Variants in CYRIB observed in about 807,000 individuals in gnomAD.
CYRIB encodes CYFIP-related Rac1 interactor B.
In CYRIB, 8 loss-of-function variants were observed where a neutral mutation model predicts 44.2. The observed-to-expected ratio is 0.18, with a 90% CI of 0.11 to 0.33. The LOEUF is 0.33. Ranked by LOEUF, CYRIB falls within the 10% of genes least tolerant of loss-of-function variation. The pLI is 1.00. For missense variants in CYRIB, 185 were observed against 382.8 expected (o/e 0.48, Z 4.31); for synonymous variants, 131 against 127.2 (o/e 1.03, Z -0.20).
At chr8:129,925,320 C>T (rs980603338) in intron 1 of CYRIB, among the ~76,000 whole-genome samples, 2 of 152,256 alleles carry the variant, frequency 1.3e-5, no homozygotes, top group African/African-American at 4.8e-5. Context: ...ATTGCTTGAA[C>T]CAGGGAGGTT....
rs201150677 is a variant in CYRIB at position 129,852,194 on chromosome 8, A to G, written c.601T>C (p.Leu201=). ...ACAAATTTTGTTGTGGCATCACTCA[A>G]GGTTTTCAGCATTGGAGTTGCCTCA... The change falls in exon 8 of 12, where the codon TTG becomes CTG. Residue 201 remains leucine (L), a synonymous_variant. Coordinates refer to ENST00000519824, the Ensembl canonical transcript of CYRIB. The G allele has an allele frequency of 2.0e-5, 32 of 1,562,144 alleles. No homozygotes were observed. The East Asian group carries it at 5.3e-4, about 26-fold the overall frequency.
intron 1 of CYRIB, among the ~76,000 whole-genome samples, chr8:129,982,049 G>T (rs989367738): frequency 6.6e-6 from 1 of 152,226 alleles, no homozygotes; most frequent in African/African-American, 2.4e-5. Context: ...GTGAACAGGG[G>T]ATCAACTTGT....
chr8:129,933,511 T>C (rs974129726), intron 1 of CYRIB, among the ~76,000 whole-genome samples: 2 of 152,176 alleles, frequency 1.3e-5, no homozygotes, highest in African/African-American at 2.4e-5. Context: ...GGAAAATAAA[T>C]GTGACTTATG....
At position 129,855,235 on chromosome 8, in the gene CYRIB, A is replaced by T. The variant is rs540958337; in HGVS notation, c.438+376T>A. ...GTGAAACCCCGTCTCTACTAAAAAT[A>T]CAAAAATTAGCCAGGCGTGGTGGCA... On this transcript the variant is annotated intron_variant, in intron 6 of 11. Transcript: ENST00000519824. Among the ~76,000 whole-genome samples, 5 of 152,194 alleles carry T rather than the reference A, an allele frequency of 3.3e-5. No homozygotes were observed. In the South Asian group the frequency reaches 1.0e-3, roughly 32 times the overall value.
intron 1 of CYRIB, among the ~76,000 whole-genome samples, chr8:129,911,531 G>A (rs1236680722): frequency 2.0e-5 from 3 of 152,050 alleles, no homozygotes; most frequent in African/African-American, 7.2e-5. Flanking sequence ...GCCGGACGCG[G>A]TGGCTCACAC....
chr8:129,930,714 C>T (rs567199160), intron 1 of CYRIB, among the ~76,000 whole-genome samples: 1 of 152,086 alleles, frequency 6.6e-6, no homozygotes, highest in Non-Finnish European at 1.5e-5. Context: ...AATAAAAAGA[C>T]AGAGCTTTAG....
At chr8:129,972,809 A>G (rs1470692232) in intron 1 of CYRIB, among the ~76,000 whole-genome samples, 1 of 152,030 alleles carries the variant, frequency 6.6e-6, no homozygotes, top group Non-Finnish European at 1.5e-5. Context: ...CACCCAGGGC[A>G]TAGAGTGTGG....
At chr8:129,920,991 A>C (rs1239936450) in intron 1 of CYRIB, among the ~76,000 whole-genome samples, 2 of 152,206 alleles carry the variant, frequency 1.3e-5, no homozygotes, top group Non-Finnish European at 2.9e-5. Flanking sequence ...AAAAATTGTA[A>C]GTACTAAAAC....
intron 3 of CYRIB, among the ~76,000 whole-genome samples, chr8:129,874,610 A>C (rs1318078927): frequency 2.6e-5 from 4 of 152,148 alleles, no homozygotes; most frequent in Non-Finnish European, 5.9e-5. Context: ...CTCAGTACCT[A>C]GATTTTCTGT....
At position 129,850,824 on chromosome 8, in the gene CYRIB, C is replaced by G. The variant is rs905209380; in HGVS notation, c.713+11G>C. The G allele has an allele frequency of 6.3e-7, 1 of 1,599,634 alleles. No homozygotes were observed. The highest frequency in any genetic ancestry group is 2.2e-5 in the East Asian group (1 of 44,770). ...GCACTGTTAAAGTGAAAAAGATCAG[C>G]TGATACTCACGGTGTTTCCAGCATG... On this transcript the variant is annotated intron_variant, in intron 9 of 11. Transcript: ENST00000519824.
intron 1 of CYRIB, among the ~76,000 whole-genome samples, chr8:129,907,582 T>TA (rs1412790118): frequency 2.0e-5 from 3 of 152,136 alleles, no homozygotes; most frequent in African/African-American, 4.8e-5. Context: ...CCCTAGAACT[T>TA]AAAGTATAAT....
At chr8:129,955,252 CAAA>C (rs34829432) in intron 2 of CYRIB, among the ~76,000 whole-genome samples, 20 of 102,846 alleles carry the variant, frequency 1.9e-4, no homozygotes, top group African/African-American at 2.9e-4. Context: ...AACTCCGTCT[CAAA>C]AAAAAAAAAA....
intron 1 of CYRIB, among the ~76,000 whole-genome samples, chr8:129,995,719 T>G (rs2096749322): frequency 6.6e-6 from 1 of 152,190 alleles, no homozygotes; most frequent in African/African-American, 2.4e-5. Context: ...CATCACAGAT[T>G]TCTAAACACA....
intron 2 of CYRIB, chr8:129,890,590 C>CT (rs1242545902): frequency 6.6e-6 from 1 of 152,216 alleles, no homozygotes; most frequent in Non-Finnish European, 1.5e-5. Flanking sequence ...TTCTAAGAAA[C>CT]TGTACCATCA....
intron 1 of CYRIB, among the ~76,000 whole-genome samples, chr8:129,937,108 AGTCT>A (rs2092953834): frequency 6.6e-6 from 1 of 152,384 alleles, no homozygotes; most frequent in African/African-American, 2.4e-5. Context: ...ATGCTGTTAC[AGTCT>A]AAGATTCTTT....
chr8:129,923,932 T>C (rs1400299913), intron 1 of CYRIB, among the ~76,000 whole-genome samples: 2 of 149,918 alleles, frequency 1.3e-5, no homozygotes, highest in African/African-American at 4.9e-5. Flanking sequence ...GCAAAACCGG[T>C]GATGTTACCT....
intron 1 of CYRIB, among the ~76,000 whole-genome samples, chr8:129,938,470 G>A (rs765111183): frequency 6.6e-6 from 1 of 152,140 alleles, no homozygotes; most frequent in Non-Finnish European, 1.5e-5. Context: ...AGATTAAGGG[G>A]TAAAAAGGTG....
At position 129,979,488 on chromosome 8, in the gene CYRIB, T is replaced by C. The variant is rs111344468; in HGVS notation, c.-295-8493A>G. On this transcript the variant is annotated intron_variant, in intron 1 of 14. Coordinates refer to the CYRIB transcript ENST00000401979. ...GAACCACTATTAGCTGGAAACTTCC[T>C]CTGGAAGGATAAGTGAGAACAGCGC... 9.9e-3 allele frequency among the ~76,000 whole-genome samples: 1,505 copies of C among 152,324 alleles called. 29 individuals are homozygous for C. Among genetic ancestry groups the C allele is most frequent in the African/African-American group, 0.034 (1,416 of 41,568 alleles).
chr8:129,884,446 G>T (rs921538965), intron 2 of CYRIB, among the ~76,000 whole-genome samples: 1 of 151,972 alleles, frequency 6.6e-6, no homozygotes, highest in Non-Finnish European at 1.5e-5. Flanking sequence ...GCACCACCAC[G>T]CCCGGCTAAT....
Sources: allele counts gnomAD v4.1 joint callset (sites outside exome capture counted in the v4.1 genomes callset), GRCh38; gene constraint gnomAD v4.1.1; transcripts MANE v1.5; gene names NCBI Gene and HGNC (gene_info 2026-07-23, HGNC 2026-07-21).